Variants in FHIP2A observed in about 807,000 individuals in gnomAD.
FHIP2A encodes the protein family with sequence similarity 160 member B1.
A neutral mutation model predicts 93.5 loss-of-function variants in FHIP2A; 46 were observed. The ratio of observed to expected loss-of-function variants is 0.49; its 90% confidence interval spans 0.39 to 0.63. The LOEUF is 0.63. FHIP2A is among the 20% of genes least tolerant of loss of function. The pLI is 0.00. For missense variants in FHIP2A, 769 were observed against 909.7 expected (o/e 0.85, Z 1.99); for synonymous variants, 332 against 326.5 (o/e 1.02, Z -0.18).
At chr10:114,846,124 T>A in intron 9 of FHIP2A, 35 bp downstream of exon 9, 1 of 1,612,630 alleles carries the variant, frequency 6.2e-7, no homozygotes, top group Non-Finnish European at 8.5e-7. Context: ...AAAAACCGCA[T>A]CACTGTGTCA....
intron 1 of FHIP2A, among the ~76,000 whole-genome samples, chr10:114,829,451 G>T (rs146023194): frequency 5.4e-4 from 83 of 152,344 alleles, no homozygotes; most frequent in Middle Eastern, 3.4e-3. Flanking sequence ...TGGCACTAGT[G>T]GGAGTGGCTC....
At chr10:114,830,102 G>A (rs2083599217) in intron 1 of FHIP2A, among the ~76,000 whole-genome samples, 1 of 151,994 alleles carries the variant, frequency 6.6e-6, no homozygotes, top group Non-Finnish European at 1.5e-5. Context: ...GTTGACTTTG[G>A]TATATGTTTT....
downstream of FHIP2A, among the ~76,000 whole-genome samples, chr10:114,866,932 G>A (rs983368262): frequency 6.6e-6 from 1 of 152,170 alleles, no homozygotes; most frequent in African/African-American, 2.4e-5. Context: ...ACAGACGCCG[G>A]GCGCGGTAGC....
chr10:114,834,992 G>A (rs535265960), intron 3 of FHIP2A, among the ~76,000 whole-genome samples: 2 of 152,296 alleles, frequency 1.3e-5, no homozygotes, highest in African/African-American at 4.8e-5. Context: ...GGGTATAATC[G>A]TGTATACCGA....
At chr10:114,831,612 G>T (rs1224848764) in intron 2 of FHIP2A, among the ~76,000 whole-genome samples, 1 of 152,300 alleles carries the variant, frequency 6.6e-6, no homozygotes, top group Non-Finnish European at 1.5e-5. Flanking sequence ...CTTACAAATC[G>T]TCTTTTACTA....
At position 114,835,228 on chromosome 10, in the gene FHIP2A, C is replaced by G. The variant is rs1231582566; in HGVS notation, c.295-309C>G. 2.0e-5 allele frequency among the ~76,000 whole-genome samples: 3 copies of G among 152,120 alleles called. No individual in the cohort carries two copies. In the East Asian group the frequency reaches 5.8e-4, roughly 29 times the overall value. On this transcript the variant is annotated intron_variant, in intron 3 of 16. Transcript: ENST00000369248. ...GTTACCCCAGCATTTAGAATATAAA[C>G]AGGTTGACATTGACTGCACCAAGCT... is the stretch of plus-strand genomic sequence containing the variant.
At position 114,895,606 on chromosome 10, in the gene FHIP2A, C is replaced by T. The variant is rs544195090; in HGVS notation, c.2193-3884C>T. 3.3e-5 allele frequency among the ~76,000 whole-genome samples: 5 copies of T among 152,194 alleles called. No individual in the cohort carries two copies. The South Asian group carries it at 1.0e-3, about 32-fold the overall frequency. ...TTAACCATTCAGATCTCATTCTAAT[C>T]CTGTCAAGAGGGGACCAGTATCCTG... is the stretch of plus-strand genomic sequence containing the variant. On this transcript the variant is annotated intron_variant, in intron 16 of 16. Coordinates refer to the FHIP2A transcript ENST00000369250.
At chr10:114,850,250 C>T (rs1335530268) in intron 13 of FHIP2A, among the ~76,000 whole-genome samples, 1 of 152,192 alleles carries the variant, frequency 6.6e-6, no homozygotes, top group East Asian at 1.9e-4. Context: ...CCAAGTTCAC[C>T]ATTTCCTTGC....
exon 17 of FHIP2A, chr10:114,899,640 A>G: frequency 1.5e-6 from 1 of 645,796 alleles, no homozygotes; most frequent in Non-Finnish European, 2.8e-6. Flanking sequence ...TGGTGGCCCC[A>G]GGCTGATTGG....
chr10:114,860,807 A>G lies in FHIP2A; in HGVS notation c.2006A>G (p.His669Arg), dbSNP rs1034770899. The change falls in exon 15 of 17, where the codon CAT (histidine) becomes CGT (arginine). Residue 669 changes from histidine (H) to arginine (R), a missense_variant. His to Arg is a conservative substitution (Grantham distance 29, BLOSUM62 0). Coordinates refer to ENST00000369248, the MANE Select transcript of FHIP2A (RefSeq NM_020940.4). ...SVLSRLSLFP[H>R]PHIHEYLLDP... ...TTATCTAGACTTTCTCTCTTCCCTC[A>G]TCCACACATCCACGAGTACCTTTTG... The G allele has an allele frequency of 3.7e-6, 6 of 1,608,058 alleles. No individual in the cohort carries two copies. Among genetic ancestry groups the G allele is most frequent in the Non-Finnish European group, 4.3e-6 (5 of 1,174,584 alleles).
At chr10:114,845,342 T>G in intron 7 of FHIP2A, 25 bp from the exon 8 acceptor site, 1 of 1,385,708 alleles carries the variant, frequency 7.2e-7, no homozygotes, top group Non-Finnish European at 1.0e-6. Context: ...AACTTTGGAC[T>G]TAGCAATTCT....
intron 5 of FHIP2A, among the ~76,000 whole-genome samples, chr10:114,840,669 T>G (rs890860426): frequency 6.6e-6 from 1 of 152,144 alleles, no homozygotes; most frequent in African/African-American, 2.4e-5. Context: ...CTATATGGCC[T>G]TGTAACTGCT....
intron 5 of FHIP2A, among the ~76,000 whole-genome samples, chr10:114,842,618 G>C (rs2083675447): frequency 6.6e-6 from 1 of 151,566 alleles, no homozygotes; most frequent in African/African-American, 2.4e-5. Context: ...AACTGCAATT[G>C]AAACCTCCTG....
chr10:114,868,676 C>G (rs2083842847), downstream of FHIP2A, among the ~76,000 whole-genome samples: 1 of 152,132 alleles, frequency 6.6e-6, no homozygotes, highest in Admixed American at 6.6e-5. Flanking sequence ...CTAAATACCA[C>G]CATGGGTCAC....
chr10:114,834,335 G>C (rs1342076092), intron 3 of FHIP2A, among the ~76,000 whole-genome samples: 1 of 152,044 alleles, frequency 6.6e-6, no homozygotes, highest in Non-Finnish European at 1.5e-5. Flanking sequence ...CTGTCCTTTG[G>C]AGAGAAGGAT....
rs551941965 is a variant in FHIP2A at position 114,831,574 on chromosome 10, C to T, written c.124+644C>T. Reference sequence around the variant, plus strand: ...AAAGGCTACAATTATGGGGAAAACACATTTTTAAAAAGTAAATTACAAGTA... The same window carrying T: ...AAAGGCTACAATTATGGGGAAAACATATTTTTAAAAAGTAAATTACAAGTA... On this transcript the variant is annotated intron_variant, in intron 2 of 16. Transcript: ENST00000369248. 2.6e-5 allele frequency among the ~76,000 whole-genome samples: 4 copies of T among 152,274 alleles called. No homozygotes were observed. The East Asian group carries it at 5.8e-4, about 22-fold the overall frequency.
chr10:114,847,739 C>T (rs1260047749), intron 12 of FHIP2A, among the ~76,000 whole-genome samples: 2 of 146,908 alleles, frequency 1.4e-5, no homozygotes, highest in African/African-American at 5.0e-5. Context: ...CCTCAAAGTT[C>T]CCTCCCCCAC....
At chr10:114,880,375 A>G (rs1389827709) in intron 16 of FHIP2A, among the ~76,000 whole-genome samples, 1 of 152,192 alleles carries the variant, frequency 6.6e-6, no homozygotes, top group Non-Finnish European at 1.5e-5. Flanking sequence ...TTACATCTTA[A>G]TAAAACTGTT....
At chr10:114,826,029 A>T (rs1005263418) in intron 1 of FHIP2A, among the ~76,000 whole-genome samples, 1 of 152,252 alleles carries the variant, frequency 6.6e-6, no homozygotes, top group African/African-American at 2.4e-5. Flanking sequence ...AATTCCTTAA[A>T]AATCTCCTGT....
Sources: allele counts gnomAD v4.1 joint callset (sites outside exome capture counted in the v4.1 genomes callset), GRCh38; gene constraint gnomAD v4.1.1; transcripts MANE v1.5; gene names NCBI Gene and HGNC (gene_info 2026-07-23, HGNC 2026-07-21).